The following ROBO2 variants were observed in gnomAD, a reference collection of about 807,000 sequenced individuals.
ROBO2 encodes the protein roundabout homolog 2.
A neutral mutation model predicts 160.8 loss-of-function variants in ROBO2; 53 were observed. The ratio of observed to expected loss-of-function variants is 0.33; its 90% CI spans 0.26 to 0.41. The LOEUF is 0.41. Among genes scored for constraint, ROBO2 ranks in the 10% least tolerant of loss-of-function variants. The probability of loss-of-function intolerance (pLI) is 1.00; values close to 1 mark genes in which losing one functional copy is unlikely to be tolerated. For synonymous variants in ROBO2, 664 were observed against 611.7 expected (o/e 1.09, Z -1.26); for missense variants, 1,577 against 1,722.4 (o/e 0.92, Z 1.49).
intron 2 of ROBO2, among the ~76,000 whole-genome samples, chr3:77,409,841 A>G (rs1281486922): frequency 2.6e-5 from 4 of 152,244 alleles, no homozygotes; most frequent in Admixed American, 6.5e-5. Flanking sequence ...ATCAAAGTGA[A>G]TAATATGTAA....
intron 2 of ROBO2, among the ~76,000 whole-genome samples, chr3:76,907,888 G>T (rs945276395): frequency 6.7e-6 from 1 of 150,100 alleles, no homozygotes; most frequent in Non-Finnish European, 1.5e-5. Context: ...CGCCCAGGCT[G>T]CAGTGCACTG....
chr3:77,027,063 T>C lies in ROBO2; in HGVS notation c.110-70951T>C, dbSNP rs933331537. On this transcript the variant is annotated intron_variant, in intron 2 of 26. Transcript: ENST00000487694. ...CATTCAGATAAAAAACTAAATTACA[T>C]CAGCAGTGAAAAGTCATGTAGCTTG... Among the ~76,000 whole-genome samples, 3 of 152,306 alleles carry C rather than the reference T, an allele frequency of 2.0e-5. No individual in the cohort carries two copies. In the South Asian group the frequency reaches 6.2e-4, roughly 32 times the overall value.
intron 2 of ROBO2, among the ~76,000 whole-genome samples, chr3:77,230,543 T>A (rs547191134): frequency 2.0e-5 from 3 of 152,226 alleles, no homozygotes; most frequent in African/African-American, 7.2e-5. Context: ...TTTGTTAGAA[T>A]TGGACATATG....
At chr3:76,033,840 A>G (rs2067010242) in intron 2 of ROBO2, among the ~76,000 whole-genome samples, 1 of 152,040 alleles carries the variant, frequency 6.6e-6, no homozygotes, top group African/African-American at 2.4e-5. Flanking sequence ...TTGTGTTTCT[A>G]CCTGCGGCCT....
chr3:76,829,308 T>A (rs958903466), intron 2 of ROBO2, among the ~76,000 whole-genome samples: 1 of 152,180 alleles, frequency 6.6e-6, no homozygotes, highest in Non-Finnish European at 1.5e-5. Flanking sequence ...TTTTCATGTT[T>A]CATGTTAGTT....
chr3:77,513,046 A>G (rs1347357430), intron 5 of ROBO2, among the ~76,000 whole-genome samples: 1 of 151,924 alleles, frequency 6.6e-6, no homozygotes, highest in Admixed American at 6.6e-5. Flanking sequence ...TCCAAGAAAA[A>G]CAAAGGTGCT....
intron 2 of ROBO2, among the ~76,000 whole-genome samples, chr3:76,760,448 A>G (rs2108362494): frequency 6.6e-6 from 1 of 151,834 alleles, no homozygotes; most frequent in Admixed American, 6.6e-5. Flanking sequence ...AATGCCAAGA[A>G]CACTTCTTCT....
At chr3:76,861,635 C>G (rs1366824684) in intron 2 of ROBO2, among the ~76,000 whole-genome samples, 1 of 152,200 alleles carries the variant, frequency 6.6e-6, no homozygotes, top group Non-Finnish European at 1.5e-5. Flanking sequence ...ATTTCCAATC[C>G]CTCACTTGAA....
At chr3:77,245,471 A>T (rs1027152309) in intron 2 of ROBO2, among the ~76,000 whole-genome samples, 1 of 152,214 alleles carries the variant, frequency 6.6e-6, no homozygotes. Flanking sequence ...TTCTCATGAT[A>T]GATTCTGGTA....
intron 2 of ROBO2, among the ~76,000 whole-genome samples, chr3:76,410,696 G>A (rs913884544): frequency 2.0e-5 from 3 of 152,076 alleles, no homozygotes; most frequent in African/African-American, 7.2e-5. Context: ...GCTTATTGGT[G>A]AATGACACTT....
At chr3:77,141,857 T>G (rs2076731153) in intron 2 of ROBO2, among the ~76,000 whole-genome samples, 1 of 152,232 alleles carries the variant, frequency 6.6e-6, no homozygotes, top group South Asian at 2.1e-4. Flanking sequence ...AAGTCTATTG[T>G]ATGAATTGCA....
chr3:77,575,687 A>G (rs1167755051), intron 14 of ROBO2, among the ~76,000 whole-genome samples: 2 of 152,136 alleles, frequency 1.3e-5, no homozygotes, highest in Non-Finnish European at 2.9e-5. Context: ...GCCAGTAATT[A>G]TAATAGTATC....
At chr3:77,562,948 T>G (rs532253856) in intron 10 of ROBO2, among the ~76,000 whole-genome samples, 2 of 152,298 alleles carry the variant, frequency 1.3e-5, no homozygotes, top group African/African-American at 4.8e-5. Flanking sequence ...TTATTTTATT[T>G]CCTCTGAAGT....
At chr3:77,540,488 T>A (rs942685374) in intron 6 of ROBO2, among the ~76,000 whole-genome samples, 2 of 151,810 alleles carry the variant, frequency 1.3e-5, no homozygotes, top group Non-Finnish European at 2.9e-5. Flanking sequence ...ATTTCTTGCA[T>A]GTTGTCACTT....
intron 2 of ROBO2, among the ~76,000 whole-genome samples, chr3:76,385,051 G>A (rs1279015618): frequency 2.0e-5 from 3 of 152,150 alleles, no homozygotes; most frequent in African/African-American, 7.2e-5. Context: ...TTTTAGTGCA[G>A]TGGTGCAATT....
intron 1 of ROBO2, among the ~76,000 whole-genome samples, chr3:77,064,621 A>G (rs1044548197): frequency 1.3e-5 from 2 of 152,206 alleles, no homozygotes; most frequent in African/African-American, 4.8e-5. Flanking sequence ...TTGGCCTCCC[A>G]AAGTGCTGGC....
intron 2 of ROBO2, among the ~76,000 whole-genome samples, chr3:76,721,897 T>A (rs1230714002): frequency 1.3e-5 from 2 of 152,224 alleles, no homozygotes; most frequent in Non-Finnish European, 2.9e-5. Context: ...CTTGCGTGTA[T>A]GTATCAGAAT....
intron 2 of ROBO2, among the ~76,000 whole-genome samples, chr3:76,150,513 T>A (rs1446602840): frequency 2.0e-5 from 3 of 151,888 alleles, no homozygotes; most frequent in African/African-American, 7.2e-5. Context: ...CACACATTTG[T>A]CTAAAACACA....
intron 2 of ROBO2, among the ~76,000 whole-genome samples, chr3:76,420,053 T>C (rs79252823): frequency 0.014 from 2,198 of 152,330 alleles, 19 homozygotes; most frequent in Non-Finnish European, 0.022. Context: ...AATATGATAA[T>C]TGCTTAAGAT....
Sources: gnomAD v4.1 joint callset for allele counts (sites outside exome capture counted in the v4.1 genomes callset) on GRCh38, gnomAD v4.1.1 for gene constraint, MANE v1.5 for transcripts, NCBI Gene and HGNC (gene_info 2026-07-23, HGNC 2026-07-21) for gene names.